The following SMARCD2 variants were observed in gnomAD, a reference collection of about 807,000 sequenced individuals.
SMARCD2 encodes SWI/SNF-related matrix-associated actin-dependent regulator of chromatin subfamily D member 2.
In SMARCD2, 39 loss-of-function variants were observed where a neutral mutation model predicts 70.4. The observed-to-expected ratio is 0.55, with a 90% CI of 0.43 to 0.72. The LOEUF is 0.72. Ranked by LOEUF, SMARCD2 falls within the 30% of genes least tolerant of loss-of-function variation. SMARCD2 has a pLI of 0.00. For synonymous variants in SMARCD2, 249 were observed against 279.4 expected (o/e 0.89, Z 1.08); for missense variants, 540 against 713.4 (o/e 0.76, Z 2.77).
In SMARCD2 at chr17:63,837,391, C is replaced by T. The variant is rs1452940500; in HGVS notation, c.401+50G>A. 2.6e-6 allele frequency: 4 copies of T among 1,555,202 alleles called. No homozygotes were observed. Among genetic ancestry groups the T allele is most frequent in the Admixed American group, 3.5e-5 (2 of 57,802 alleles). On this transcript the variant is annotated intron_variant, in intron 2 of 12. Transcript: ENST00000448276. This position sits in a 1 kb window ranked among gnomAD's most constrained non-coding sequence, Gnocchi z 6.4. Reference sequence around the variant, plus strand: ...TCTTAAGATAGAAGGAAACCCTCTGCTACCACCAGAGCTGAGTTAGGCAGA... The same window carrying T: ...TCTTAAGATAGAAGGAAACCCTCTGTTACCACCAGAGCTGAGTTAGGCAGA...
At chr17:63,842,345 T>C in intron 1 of SMARCD2, 114 bp downstream of exon 1, 1 of 1,186,490 alleles carries the variant, frequency 8.4e-7, no homozygotes, top group South Asian at 2.4e-5. Flanking sequence ...CTCCACCGTC[T>C]CCCGGAGTTC....
Position 63,837,691 on chromosome 17 carries a change from T to G in SMARCD2, c.217-66A>C. The G allele has an allele frequency of 7.4e-7, 1 of 1,354,312 alleles. No individual in the cohort carries two copies. The highest frequency in any genetic ancestry group is 1.3e-5 in the South Asian group (1 of 76,432). The allele number at this position is 1,354,312 out of a possible 1,614,324, so 83.9% of individuals were successfully genotyped here. A position where few individuals can be genotyped will look rare whatever the true frequency, so the allele number is the denominator to read the frequency against. On this transcript the variant is annotated intron_variant, in intron 1 of 12. Coordinates refer to ENST00000448276, the MANE Select transcript of SMARCD2 (RefSeq NM_001098426.2). The surrounding 1 kb of genome is among the most constrained non-coding windows in gnomAD (Gnocchi z 6.4). ...AAGGCCCTCCGGGACCCATAGCCCA[T>G]GCCCTCCATCCCTCTCGTCAGCCAG...
chr17:63,835,035 T>C, intron 5 of SMARCD2: 1 of 567,012 alleles, frequency 1.8e-6, no homozygotes, highest in Non-Finnish European at 3.1e-6. Context: ...AGGAACACTG[T>C]AATAACCACA....
chr17:63,841,972 C>T (rs1176850607), intron 1 of SMARCD2, among the ~76,000 whole-genome samples: 1 of 152,224 alleles, frequency 6.6e-6, no homozygotes, highest in Non-Finnish European at 1.5e-5. Context: ...AAGCCAGGCT[C>T]CTTCCTCCTT....
Position 63,832,286 on chromosome 17 carries a change from C to T in SMARCD2, c.*652G>A, listed in dbSNP as rs2040201277. 1 of 374,024 alleles carries T rather than the reference C, an allele frequency of 2.7e-6. No homozygotes were observed. Among genetic ancestry groups the T allele is most frequent in the East Asian group, 5.1e-5 (1 of 19,758 alleles). The allele number at this position is 374,024 out of a possible 1,614,324, so 23.2% of individuals were successfully genotyped here. On this transcript the variant is annotated 3_prime_UTR_variant, in exon 13 of 13. Coordinates refer to ENST00000448276, the MANE Select transcript of SMARCD2 (RefSeq NM_001098426.2). ...TGGAGTGTCCCCTCCCCGGCCCAAG[C>T]CGCTGGAGAGGCAGCCCTCTGGCAT...
At position 63,837,292 on chromosome 17, in the gene SMARCD2, C is replaced by T. The variant is rs2040277919; in HGVS notation, c.402-55G>A. The T allele has an allele frequency of 6.3e-7, 1 of 1,577,178 alleles. No homozygotes were observed. Among genetic ancestry groups the T allele is most frequent in the Non-Finnish European group, 8.7e-7 (1 of 1,146,458 alleles). ...TCAATGGTCCAAAAAAGGACACTCACTCCCATAACGCCCCTCCAGTCTCCA... is the reference window on the plus strand; with the variant it reads ...TCAATGGTCCAAAAAAGGACACTCATTCCCATAACGCCCCTCCAGTCTCCA... On this transcript the variant is annotated intron_variant, in intron 2 of 12. Transcript: ENST00000448276. This position sits in a 1 kb window ranked among gnomAD's most constrained non-coding sequence, Gnocchi z 6.4.
intron 1 of SMARCD2, chr17:63,838,684 C>G: frequency 7.1e-7 from 1 of 1,414,264 alleles, no homozygotes; most frequent in Non-Finnish European, 9.3e-7. Flanking sequence ...CTCCCCATGG[C>G]TGCTGCCTGC....
At position 63,837,040 on chromosome 17, in the gene SMARCD2, CG is replaced by C. The variant is rs2040274600; in HGVS notation, c.448del (p.Arg150GlyfsTer39). On this transcript the variant is annotated frameshift_variant, in exon 4 of 13. Coordinates refer to ENST00000448276, the MANE Select transcript of SMARCD2 (RefSeq NM_001098426.2). LOFTEE classifies it high-confidence loss of function. This position sits in a 1 kb window ranked among gnomAD's most constrained non-coding sequence, Gnocchi z 6.4. The part of the protein sequence containing the change: ...MADKVLPQRI[R>X]ELVPESQAYM... The stretch of plus-strand genomic sequence containing the variant: ...CGCCTGAGACTCTGGAACAAGCTCC[CG>C]GATCTGAAGGAAGGTAGCAGAAGCT... The C allele has an allele frequency of 6.2e-7, 1 of 1,613,252 alleles. No homozygotes were observed. Among genetic ancestry groups the C allele is most frequent in the African/African-American group, 1.3e-5 (1 of 74,926 alleles).
intron 1 of SMARCD2, among the ~76,000 whole-genome samples, chr17:63,840,419 C>G (rs1046871697): frequency 2.6e-5 from 4 of 151,566 alleles, no homozygotes; most frequent in African/African-American, 9.7e-5. Flanking sequence ...AGTAATCCTT[C>G]TGTCTGGGCC....
chr17:63,838,402 A>G (rs1296003946), intron 1 of SMARCD2, among the ~76,000 whole-genome samples: 2 of 152,202 alleles, frequency 1.3e-5, no homozygotes, highest in Non-Finnish European at 2.9e-5. Context: ...CCTGTGGGAA[A>G]GAGAGCAGCT....
At chr17:63,835,130 C>T in intron 5 of SMARCD2, 2 of 521,894 alleles carry the variant, frequency 3.8e-6, no homozygotes, top group Non-Finnish European at 3.4e-6. Flanking sequence ...CTGGCCCAGT[C>T]TTTTTTTTTC....
At position 63,837,036 on chromosome 17, in the gene SMARCD2, C is replaced by T. The variant is rs757728502; in HGVS notation, c.453G>A (p.Glu151=). 4 of 1,613,340 alleles carry T rather than the reference C, an allele frequency of 2.5e-6. No individual in the cohort carries two copies. In the Admixed American group the frequency reaches 6.7e-5, roughly 27 times the overall value. Residue 151 remains glutamate, a synonymous_variant, in exon 4 of 13, where the codon GAG becomes GAA. Coordinates refer to ENST00000448276, the MANE Select transcript of SMARCD2 (RefSeq NM_001098426.2). This position sits in a 1 kb window ranked among gnomAD's most constrained non-coding sequence, Gnocchi z 6.4. ...ADKVLPQRIR[E]LVPESQAYMD... ...TGTACGCCTGAGACTCTGGAACAAG[C>T]TCCCGGATCTGAAGGAAGGTAGCAG...
chr17:63,841,531 C>A (rs908374809), intron 1 of SMARCD2, among the ~76,000 whole-genome samples: 4 of 152,242 alleles, frequency 2.6e-5, no homozygotes, highest in African/African-American at 7.2e-5. Context: ...AGTTTCCAAG[C>A]CCTCTGGGGC....
chr17:63,832,625 C>A lies in SMARCD2; in HGVS notation c.*313G>T. 1 of 445,934 alleles carries A rather than the reference C, an allele frequency of 2.2e-6. No homozygotes were observed. The highest frequency in any genetic ancestry group is 2.3e-5 in the South Asian group (1 of 43,416). 27.6% of individuals were successfully genotyped at this position (445,934 alleles called of 1,614,324 possible). A position where few individuals can be genotyped will look rare whatever the true frequency, so the allele number is the denominator to read the frequency against. ...GCCCCAGGGGGAGTCTGTAAACATGCAAACCCAGCAGCCTTTGGTTCGGAA... is the reference window on the plus strand; with the variant it reads ...GCCCCAGGGGGAGTCTGTAAACATGAAAACCCAGCAGCCTTTGGTTCGGAA... On this transcript the variant is annotated 3_prime_UTR_variant, in exon 13 of 13. Transcript: ENST00000448276.
rs368002529 is a variant in SMARCD2, at chr17:63,833,895, C to G, written c.1181+14G>C. On this transcript the variant is annotated intron_variant, in intron 9 of 12. Coordinates refer to ENST00000448276, the MANE Select transcript of SMARCD2 (RefSeq NM_001098426.2). This position sits in a 1 kb window ranked among gnomAD's most constrained non-coding sequence, Gnocchi z 4.3. Reference sequence around the variant, plus strand: ...CTCTTAGAAGAGCCTTCCTGTCCCCCTCCTTGCATTTACCTAATGACATGG... The same window carrying G: ...CTCTTAGAAGAGCCTTCCTGTCCCCGTCCTTGCATTTACCTAATGACATGG... 13 of 1,590,032 alleles carry G rather than the reference C, an allele frequency of 8.2e-6. No homozygotes were observed. In the African/African-American group the frequency reaches 1.2e-4, roughly 15 times the overall value.
At position 63,832,831 on chromosome 17, in the gene SMARCD2, G is replaced by GACACTCCTCACCCC. The variant is rs916398127; in HGVS notation, c.*106_*107insGGGGTGAGGAGTGT. 2.2e-5 allele frequency: 19 copies of GACACTCCTCACCCC among 878,154 alleles called. No individual in the cohort carries two copies. The highest frequency in any genetic ancestry group is 6.5e-4 in the Middle Eastern group (2 of 3,100). The allele number at this position is 878,154 out of a possible 1,614,324, so 54.4% of individuals were successfully genotyped here. ...AGACTAAAGCTGGAGAGTAGAGGGT[G>GACACTCCTCACCCC]ACAGCAGACACTCCTCACCCCAGCC... On this transcript the variant is annotated 3_prime_UTR_variant, in exon 13 of 13. Coordinates refer to ENST00000448276, the MANE Select transcript of SMARCD2 (RefSeq NM_001098426.2).
chr17:63,836,390 C>T (rs999842586), intron 4 of SMARCD2, among the ~76,000 whole-genome samples: 2 of 148,540 alleles, frequency 1.3e-5, no homozygotes, highest in African/African-American at 5.0e-5. Flanking sequence ...CCTAGTTACT[C>T]GGGAGGCTGA....
Position 63,834,024 on chromosome 17 carries a change from G to A in SMARCD2, c.1084-18C>T, listed in dbSNP as rs1433162200. ...CTGAAGATCTGGAGGAAATACGAAA[G>A]GCTCAGCGTTGGCTTGTGGGCACAG... is the stretch of plus-strand genomic sequence containing the variant. On this transcript the variant is annotated intron_variant, in intron 8 of 12. Transcript: ENST00000448276. The surrounding 1 kb of genome is among the most constrained non-coding windows in gnomAD (Gnocchi z 5.6). 6.2e-7 allele frequency: 1 copy of A among 1,609,502 alleles called. No homozygotes were observed. Among genetic ancestry groups the A allele is most frequent in the South Asian group, 1.1e-5 (1 of 91,010 alleles).
Position 63,837,175 on chromosome 17 carries a change from G to A in SMARCD2, c.444+20C>T. On this transcript the variant is annotated intron_variant, in intron 3 of 12. Transcript: ENST00000448276. The surrounding 1 kb of genome is among the most constrained non-coding windows in gnomAD (Gnocchi z 6.4). ...AGGTGGCCACTGGGCAGGCCTCCCA[G>A]GTGTCCTCTTAACACTTACTCGCTG... 1 of 1,613,206 alleles carries A rather than the reference G, an allele frequency of 6.2e-7. No homozygotes were observed. The highest frequency in any genetic ancestry group is 8.5e-7 in the Non-Finnish European group (1 of 1,179,374).
Sources: gnomAD v4.1 joint callset for allele counts (sites outside exome capture counted in the v4.1 genomes callset) on GRCh38, gnomAD v4.1.1 for gene constraint, Gnocchi (gnomAD v3.1) non-coding constraint, MANE v1.5 for transcripts, NCBI Gene and HGNC (gene_info 2026-07-23, HGNC 2026-07-21) for gene names.